MLANA: variants seen among roughly 807,000 people sequenced by gnomAD.
MLANA encodes the protein melanoma antigen recognized by T-cells 1.
In MLANA, 21 loss-of-function variants were observed where a neutral mutation model predicts 15.7. The ratio of observed to expected loss-of-function variants is 1.33; its 90% CI spans 0.95 to 1.92. MLANA has a LOEUF of 1.92. MLANA is among the 40% of genes most tolerant of loss of function. MLANA has a pLI of 0.00. For missense variants in MLANA, 164 were observed against 143.8 expected (o/e 1.14, Z -0.72); for synonymous variants, 56 against 51.5 (o/e 1.09, Z -0.37).
rs775817500 is a variant in MLANA at position 5,908,741 on chromosome 9, T to G, written c.*33T>G. 2 of 1,582,494 alleles carry G rather than the reference T, an allele frequency of 1.3e-6. No individual in the cohort carries two copies. The highest frequency in any genetic ancestry group is 1.3e-5 in the African/African-American group (1 of 74,248). Reference sequence around the variant, plus strand: ...CGAGACACCTGAGACATGCTGAAATTATTTCTCTCACACTTTTGCTTGAAT... The same window carrying G: ...CGAGACACCTGAGACATGCTGAAATGATTTCTCTCACACTTTTGCTTGAAT... On this transcript the variant is annotated 3_prime_UTR_variant, in exon 5 of 5. Coordinates refer to ENST00000381477, the MANE Select transcript of MLANA (RefSeq NM_005511.2).
chr9:5,908,938 A>G lies in MLANA; in HGVS notation c.*230A>G. ...ACTCCATCAATAAATGTTGCAATGC[A>G]TGATACTATCTGTGCCAGAGGTAAT... On this transcript the variant is annotated 3_prime_UTR_variant, in exon 5 of 5. Transcript: ENST00000381477. The G allele has an allele frequency of 3.9e-6, 2 of 519,422 alleles. No homozygotes were observed. Among genetic ancestry groups the G allele is most frequent in the Non-Finnish European group, 6.8e-6 (2 of 294,002 alleles). 32.2% of individuals were successfully genotyped at this position (519,422 alleles called of 1,614,324 possible).
chr9:5,906,179 T>C (rs939101119), intron 3 of MLANA, among the ~76,000 whole-genome samples: 2 of 145,180 alleles, frequency 1.4e-5, no homozygotes, highest in Non-Finnish European at 3.0e-5. Flanking sequence ...AGCAAGATCA[T>C]GTCTCTTAAA....
At position 5,908,788 on chromosome 9, in the gene MLANA, C is replaced by T; in HGVS notation, c.*80C>T. The T allele has an allele frequency of 7.2e-7, 1 of 1,385,500 alleles. No individual in the cohort carries two copies. The highest frequency in any genetic ancestry group is 1.0e-6 in the Non-Finnish European group (1 of 977,730). The allele number at this position is 1,385,500 out of a possible 1,614,324, so 85.8% of individuals were successfully genotyped here. A position where few individuals can be genotyped will look rare whatever the true frequency, so the allele number is the denominator to read the frequency against. ...GAATTTAATACAGACATCTAATGTT[C>T]TCCTTTGGAATGGTGTAGGAAAAAT... is the stretch of plus-strand genomic sequence containing the variant. On this transcript the variant is annotated 3_prime_UTR_variant, in exon 5 of 5. Coordinates refer to ENST00000381477, the MANE Select transcript of MLANA (RefSeq NM_005511.2).
intron 3 of MLANA, among the ~76,000 whole-genome samples, chr9:5,905,817 C>T: frequency 6.6e-6 from 1 of 152,136 alleles, no homozygotes; most frequent in East Asian, 1.9e-4. Flanking sequence ...AAATCATAAC[C>T]CAACCACCTC....
chr9:5,896,003 C>T (rs184933810), intron 2 of MLANA, among the ~76,000 whole-genome samples: 1 of 152,326 alleles, frequency 6.6e-6, no homozygotes, highest in Admixed American at 6.5e-5. Flanking sequence ...GTCACGAGAA[C>T]ACACTGAACA....
Position 5,894,714 on chromosome 9 carries a change from G to A in MLANA, c.77+2163G>A, listed in dbSNP as rs544667018. Among the ~76,000 whole-genome samples, 2 of 152,182 alleles carry A rather than the reference G, an allele frequency of 1.3e-5. No homozygotes were observed. Among genetic ancestry groups the A allele is most frequent in the Admixed American group, 6.5e-5 (1 of 15,288 alleles). ...AGCATTGCTGGGGTGATCCTGACAGGAGCCAGAAGCACACTGGAAGGAGCT... is the reference window on the plus strand; with the variant it reads ...AGCATTGCTGGGGTGATCCTGACAGAAGCCAGAAGCACACTGGAAGGAGCT... On this transcript the variant is annotated intron_variant, in intron 2 of 4. Transcript: ENST00000381477. This position sits in a 1 kb window ranked among gnomAD's most constrained non-coding sequence, Gnocchi z 4.0.
intron 3 of MLANA, 24 bp from the exon 4 acceptor site, chr9:5,906,861 C>A: frequency 6.9e-7 from 1 of 1,442,624 alleles, no homozygotes; most frequent in South Asian, 1.3e-5. Context: ...CTCACCCACT[C>A]ACCTTTATCA....
At chr9:5,906,755 A>G in intron 3 of MLANA, 130 bp from the exon 4 acceptor site, 1 of 564,482 alleles carries the variant, frequency 1.8e-6, no homozygotes, top group Non-Finnish European at 3.1e-6. Flanking sequence ...GATGAGACTG[A>G]AGGCACACAG....
chr9:5,908,701 C>T lies in MLANA; in HGVS notation c.350C>T (p.Ser117Leu), dbSNP rs1318173665. 1.2e-6 allele frequency: 2 copies of T among 1,613,894 alleles called. No homozygotes were observed. The highest frequency in any genetic ancestry group is 1.7e-5 in the Admixed American group (1 of 60,030). The change falls in exon 5 of 5, where the codon TCA becomes TTA. Residue 117 changes from serine (S) to leucine (L), a missense_variant. Ser to Leu is a moderately radical substitution (Grantham distance 145, BLOSUM62 -2). Coordinates refer to ENST00000381477, the MANE Select transcript of MLANA (RefSeq NM_005511.2). ...LSAEQSPPPY[S>L]P The stretch of plus-strand genomic sequence containing the variant: ...GCAGAACAGTCACCACCACCTTATT[C>T]ACCTTAAGAGCCAGCGAGACACCTG...
rs761407186 is a variant in MLANA, at chr9:5,892,531, C to T, written c.57C>T (p.His19=). ...GTTACCCCAAGAAGGGGCACGGCCACTCTTACACCACGGCTGAAGAGTAAG... is the reference window on the plus strand; with the variant it reads ...GTTACCCCAAGAAGGGGCACGGCCATTCTTACACCACGGCTGAAGAGTAAG... The part of the protein sequence containing the change: ...IYGYPKKGHG[H]SYTTAEEAAG... The change falls in exon 2 of 5, where the codon CAC becomes CAT. Residue 19 remains histidine (H), a synonymous_variant. Coordinates refer to ENST00000381477, the MANE Select transcript of MLANA (RefSeq NM_005511.2). 1 of 1,613,596 alleles carries T rather than the reference C, an allele frequency of 6.2e-7. No individual in the cohort carries two copies. The highest frequency in any genetic ancestry group is 8.5e-7 in the Non-Finnish European group (1 of 1,179,854).
intron 3 of MLANA, among the ~76,000 whole-genome samples, chr9:5,899,533 A>G (rs1832277653): frequency 6.6e-6 from 1 of 152,184 alleles, no homozygotes; most frequent in Non-Finnish European, 1.5e-5. Flanking sequence ...ATGAATCTGA[A>G]CAAGACTCCA....
chr9:5,904,837 G>A (rs995667288), intron 3 of MLANA, among the ~76,000 whole-genome samples: 4 of 150,484 alleles, frequency 2.7e-5, no homozygotes, highest in Non-Finnish European at 5.9e-5. Context: ...GCAGTGGTAT[G>A]ATCTGGGCTC....
At position 5,891,630 on chromosome 9, in the gene MLANA, A is replaced by C. The variant is rs372857729; in HGVS notation, c.-26+694A>C. Among the ~76,000 whole-genome samples, 22 of 152,276 alleles carry C rather than the reference A, an allele frequency of 1.4e-4. 1 individual carries two copies. The South Asian group carries it at 4.3e-3, about 30-fold the overall frequency. On this transcript the variant is annotated intron_variant, in intron 1 of 4. Transcript: ENST00000381477. ...AATAATAAGGAAAGGAGCTTCCATT[A>C]TTGGTTTTTAATGAGCGTACTTGAA...
At chr9:5,900,788 G>T (rs1832363064) in intron 3 of MLANA, among the ~76,000 whole-genome samples, 1 of 152,226 alleles carries the variant, frequency 6.6e-6, no homozygotes, top group South Asian at 2.1e-4. Flanking sequence ...GAAATGATTT[G>T]TAATAAACTG....
chr9:5,893,919 C>T (rs1586918060), intron 2 of MLANA, among the ~76,000 whole-genome samples: 1 of 131,644 alleles, frequency 7.6e-6, no homozygotes, highest in Middle Eastern at 4.4e-3. Context: ...CCCCCCGCCC[C>T]GTGGCACCCA....
At chr9:5,905,727 G>A (rs1162618129) in intron 3 of MLANA, among the ~76,000 whole-genome samples, 2 of 152,140 alleles carry the variant, frequency 1.3e-5, no homozygotes, top group African/African-American at 4.8e-5. Context: ...TGCCTTTTCA[G>A]GCTGACCCAA....
chr9:5,897,494 G>C (rs1459045367), intron 2 of MLANA, 63 bp from the exon 3 acceptor site: 9 of 1,430,222 alleles, frequency 6.3e-6, no homozygotes, highest in East Asian at 2.3e-5. Context: ...ACTGATTTAT[G>C]CTTCATCATA....
chr9:5,908,721 C>A lies in MLANA; in HGVS notation c.*13C>A. The A allele has an allele frequency of 6.2e-7, 1 of 1,607,202 alleles. No individual in the cohort carries two copies. Among genetic ancestry groups the A allele is most frequent in the Non-Finnish European group, 8.5e-7 (1 of 1,173,870 alleles). On this transcript the variant is annotated 3_prime_UTR_variant, in exon 5 of 5. Transcript: ENST00000381477. ...TTATTCACCTTAAGAGCCAGCGAGACACCTGAGACATGCTGAAATTATTTC... is the reference window on the plus strand; with the variant it reads ...TTATTCACCTTAAGAGCCAGCGAGAAACCTGAGACATGCTGAAATTATTTC...
intron 3 of MLANA, among the ~76,000 whole-genome samples, chr9:5,901,507 A>T (rs1586943809): frequency 1.3e-5 from 2 of 152,174 alleles, no homozygotes; most frequent in Middle Eastern, 6.8e-3. Flanking sequence ...GATGTATCAG[A>T]ATAATTCATT....
Sources: gnomAD v4.1 joint callset for allele counts (sites outside exome capture counted in the v4.1 genomes callset) on GRCh38, gnomAD v4.1.1 for gene constraint, Gnocchi (gnomAD v3.1) non-coding constraint, MANE v1.5 for transcripts, NCBI Gene and HGNC (gene_info 2026-07-23, HGNC 2026-07-21) for gene names.